NEGR1: variants seen among roughly 807,000 people sequenced by gnomAD.
The protein encoded by NEGR1 is neuronal growth regulator 1, also known as IgLON family member 4.
A neutral mutation model predicts 40.9 loss-of-function variants in NEGR1; 10 were observed. The ratio of observed to expected loss-of-function variants is 0.24; its 90% CI spans 0.15 to 0.42. The LOEUF (loss-of-function observed/expected upper bound fraction) is 0.42, where lower values mean the gene tolerates loss of function less well. Among genes scored for constraint, NEGR1 ranks in the 10% least tolerant of loss-of-function variants. NEGR1 has a pLI of 1.00. For missense variants in NEGR1, 352 were observed against 438.9 expected (o/e 0.80, Z 1.77); for synonymous variants, 185 against 166.8 (o/e 1.11, Z -0.84).
intron 3 of NEGR1, among the ~76,000 whole-genome samples, chr1:71,729,725 C>G (rs1654790817): frequency 6.6e-6 from 1 of 152,090 alleles, no homozygotes; most frequent in African/African-American, 2.4e-5. Context: ...AACTCCGACT[C>G]TGGGGCTCAA....
chr1:71,985,451 T>C (rs1646386486), intron 1 of NEGR1, among the ~76,000 whole-genome samples: 1 of 152,110 alleles, frequency 6.6e-6, no homozygotes, highest in Non-Finnish European at 1.5e-5. Context: ...ATGAGAAAAC[T>C]GGGGTGTATA....
intron 2 of NEGR1, among the ~76,000 whole-genome samples, chr1:71,858,872 C>G (rs2101820788): frequency 6.6e-6 from 1 of 151,916 alleles, no homozygotes; most frequent in African/African-American, 2.4e-5. Context: ...TTTTTTAAAA[C>G]CAAAAATTGT....
chr1:71,654,218 G>A (rs576804711), intron 4 of NEGR1, among the ~76,000 whole-genome samples: 2 of 151,934 alleles, frequency 1.3e-5, no homozygotes, highest in Admixed American at 1.3e-4. Context: ...AAGAACAGGT[G>A]GAATGTAGAG....
At chr1:72,099,181 C>T (rs1356125023) in intron 1 of NEGR1, among the ~76,000 whole-genome samples, 2 of 151,612 alleles carry the variant, frequency 1.3e-5, no homozygotes, top group East Asian at 1.9e-4. Flanking sequence ...CAATATAGGG[C>T]TATTTTGAAT....
intron 1 of NEGR1, among the ~76,000 whole-genome samples, chr1:72,079,686 T>C (rs895341115): frequency 2.0e-5 from 3 of 152,052 alleles, no homozygotes; most frequent in Non-Finnish European, 2.9e-5. Context: ...TTCTTTTAAA[T>C]TCAGAGGAAT....
At chr1:72,049,980 T>C (rs763765214) in intron 1 of NEGR1, among the ~76,000 whole-genome samples, 4 of 151,542 alleles carry the variant, frequency 2.6e-5, no homozygotes, top group Admixed American at 6.6e-5. Context: ...ACATCTTTTG[T>C]TGATTTGTAG....
At chr1:71,716,146 G>A (rs1234054508) in intron 3 of NEGR1, among the ~76,000 whole-genome samples, 1 of 152,058 alleles carries the variant, frequency 6.6e-6, no homozygotes, top group Non-Finnish European at 1.5e-5. Context: ...GCCAGCAGGG[G>A]AAATGCCAGA....
intron 1 of NEGR1, among the ~76,000 whole-genome samples, chr1:71,959,635 T>A (rs1322651813): frequency 6.6e-6 from 1 of 152,132 alleles, no homozygotes; most frequent in African/African-American, 2.4e-5. Flanking sequence ...AATCTTCAAT[T>A]TCATCATCCT....
chr1:71,909,601 C>G (rs1341020902), intron 2 of NEGR1, among the ~76,000 whole-genome samples: 1 of 152,120 alleles, frequency 6.6e-6, no homozygotes, highest in Non-Finnish European at 1.5e-5. Flanking sequence ...CAAGTACCCA[C>G]AATTTAAAAG....
At chr1:72,046,832 A>G (rs1647006902) in intron 1 of NEGR1, among the ~76,000 whole-genome samples, 1 of 151,660 alleles carries the variant, frequency 6.6e-6, no homozygotes, top group African/African-American at 2.4e-5. Flanking sequence ...TAATGTATAA[A>G]AAATTAACAC....
chr1:71,437,443 T>C (rs1646517151), intron 6 of NEGR1, among the ~76,000 whole-genome samples: 1 of 152,146 alleles, frequency 6.6e-6, no homozygotes, highest in Non-Finnish European at 1.5e-5. Flanking sequence ...ATACAGCTAT[T>C]ATTCAAAAAA....
At chr1:72,163,192 T>C (rs1031573050) in intron 1 of NEGR1, among the ~76,000 whole-genome samples, 16 of 152,150 alleles carry the variant, frequency 1.1e-4, no homozygotes, top group African/African-American at 3.9e-4. Context: ...AATTTAATTA[T>C]GCTATTTAGT....
At chr1:72,165,019 T>C (rs929682910) in intron 1 of NEGR1, among the ~76,000 whole-genome samples, 1 of 151,990 alleles carries the variant, frequency 6.6e-6, no homozygotes. Context: ...TTTTTCTCCT[T>C]GGGGCTGCTG....
intron 5 of NEGR1, among the ~76,000 whole-genome samples, chr1:71,602,545 C>T (rs1046252512): frequency 6.6e-6 from 1 of 151,990 alleles, no homozygotes; most frequent in Non-Finnish European, 1.5e-5. Flanking sequence ...GCCACCGCGC[C>T]CGGCCGCCCA....
intron 3 of NEGR1, among the ~76,000 whole-genome samples, chr1:71,770,790 T>A (rs944099835): frequency 6.6e-6 from 1 of 152,094 alleles, no homozygotes; most frequent in Admixed American, 6.6e-5. Context: ...CATTAAAAAG[T>A]CAGGAAACAA....
chr1:71,434,909 G>T lies in NEGR1; in HGVS notation c.941-27339C>A, dbSNP rs575697546. 1.1e-4 allele frequency among the ~76,000 whole-genome samples: 17 copies of T among 152,276 alleles called. No homozygotes were observed. The East Asian group carries it at 2.9e-3, about 26-fold the overall frequency. On this transcript the variant is annotated intron_variant, in intron 6 of 6. Coordinates refer to ENST00000357731, the MANE Select transcript of NEGR1 (RefSeq NM_173808.3). Reference sequence around the variant, plus strand: ...GATCAAGACCATCCTGGCTAAAACGGTGAAACCCCGTCTCTACTAAAAATA... The same window carrying T: ...GATCAAGACCATCCTGGCTAAAACGTTGAAACCCCGTCTCTACTAAAAATA...
At chr1:71,983,739 C>T (rs1646372513) in intron 1 of NEGR1, among the ~76,000 whole-genome samples, 1 of 152,164 alleles carries the variant, frequency 6.6e-6, no homozygotes, top group South Asian at 2.1e-4. Flanking sequence ...GGGATGCATA[C>T]ATGTACAACT....
chr1:71,707,388 G>A (rs1162154125), intron 3 of NEGR1, among the ~76,000 whole-genome samples: 3 of 152,228 alleles, frequency 2.0e-5, no homozygotes, highest in Non-Finnish European at 4.4e-5. Context: ...AAGGTTGGTG[G>A]TGGCTACAGG....
At chr1:71,699,617 G>A (rs2101630400) in intron 3 of NEGR1, among the ~76,000 whole-genome samples, 1 of 151,854 alleles carries the variant, frequency 6.6e-6, no homozygotes, top group South Asian at 2.1e-4. Flanking sequence ...AAAGAGTAAG[G>A]ATGGTATTAA....
Sources: gnomAD v4.1 joint callset for allele counts (sites outside exome capture counted in the v4.1 genomes callset) on GRCh38, gnomAD v4.1.1 for gene constraint, MANE v1.5 for transcripts, NCBI Gene and HGNC (gene_info 2026-07-23, HGNC 2026-07-21) for gene names.